The following ATP8A2 variants were observed in gnomAD, a reference collection of about 807,000 sequenced individuals.
The protein encoded by ATP8A2 is phospholipid-transporting ATPase IB.
ATP8A2 carries 100 observed loss-of-function variants against 165.6 expected under a neutral mutation model. The ratio of observed to expected loss-of-function variants is 0.60; its 90% CI spans 0.51 to 0.71. ATP8A2 has a LOEUF of 0.71. Ranked by LOEUF, ATP8A2 falls within the 30% of genes least tolerant of loss-of-function variation. The pLI, the probability that ATP8A2 is intolerant of heterozygous loss-of-function variation, is 0.00. For missense variants in ATP8A2, 1,227 were observed against 1,479.5 expected (o/e 0.83, Z 2.80); for synonymous variants, 543 against 548.8 (o/e 0.99, Z 0.15).
At chr13:25,442,624 C>G (rs1290420406) in intron 1 of ATP8A2, among the ~76,000 whole-genome samples, 8 of 152,116 alleles carry the variant, frequency 5.3e-5, no homozygotes, top group African/African-American at 1.7e-4. Flanking sequence ...CTTGCTATGT[C>G]GTCCAGGCTG....
intron 27 of ATP8A2, among the ~76,000 whole-genome samples, chr13:25,823,283 T>A (rs1203245974): frequency 6.6e-6 from 1 of 152,216 alleles, no homozygotes; most frequent in African/African-American, 2.4e-5. Flanking sequence ...CATCTGAACT[T>A]TTATTGTATG....
intron 1 of ATP8A2, among the ~76,000 whole-genome samples, chr13:25,400,129 C>T (rs1056144129): frequency 6.6e-6 from 1 of 151,960 alleles, no homozygotes; most frequent in African/African-American, 2.4e-5. Context: ...TCCTATGTTG[C>T]CCAGGATAGT....
chr13:25,372,648 G>C lies in ATP8A2; in HGVS notation c.76+360G>C, dbSNP rs112006952. ...CGACCTAGGCGGCAGTCACCGCGAT[G>C]GTGGGCACGGTTTGGCGGCGCAGAG... On this transcript the variant is annotated intron_variant, in intron 1 of 36. Coordinates refer to ENST00000381655, the MANE Select transcript of ATP8A2 (RefSeq NM_016529.6). This position sits in a 1 kb window ranked among gnomAD's most constrained non-coding sequence, Gnocchi z 4.8. Among the ~76,000 whole-genome samples the C allele has an allele frequency of 0.011, 1,634 of 152,318 alleles. 36 individuals are homozygous for C. The highest frequency in any genetic ancestry group is 0.037 in the African/African-American group (1,551 of 41,578).
intron 24 of ATP8A2, among the ~76,000 whole-genome samples, chr13:25,675,085 C>T (rs2042345700): frequency 6.6e-6 from 1 of 152,140 alleles, no homozygotes; most frequent in Admixed American, 6.5e-5. Flanking sequence ...GTTTCAGTTG[C>T]TTGTCTGAGT....
intron 28 of ATP8A2, among the ~76,000 whole-genome samples, 198 bp from the exon 29 acceptor site, chr13:25,836,965 T>C (rs1951629908): frequency 6.6e-6 from 1 of 152,210 alleles, no homozygotes. Context: ...TAGTGTTCAG[T>C]GTATTCATTT....
chr13:25,534,668 A>G (rs1593482043), intron 6 of ATP8A2, among the ~76,000 whole-genome samples: 2 of 152,374 alleles, frequency 1.3e-5, no homozygotes, highest in East Asian at 3.9e-4. Context: ...TACCGCATGC[A>G]GTTTTATTTC....
intron 35 of ATP8A2, among the ~76,000 whole-genome samples, chr13:26,008,380 T>A (rs1956784754): frequency 6.6e-6 from 1 of 152,004 alleles, no homozygotes; most frequent in South Asian, 2.1e-4. Flanking sequence ...TAAAACATAT[T>A]AGAAAATTTT....
intron 24 of ATP8A2, among the ~76,000 whole-genome samples, chr13:25,657,905 G>A (rs535412864): frequency 2.5e-4 from 38 of 152,222 alleles, no homozygotes; most frequent in Admixed American, 3.9e-4. Context: ...ATATTTGGGA[G>A]ACCTGTCTTT....
chr13:25,925,514 C>T (rs1422206808), intron 33 of ATP8A2, among the ~76,000 whole-genome samples: 2 of 146,076 alleles, frequency 1.4e-5, no homozygotes, highest in Non-Finnish European at 3.0e-5. Flanking sequence ...CCAGCCTGGG[C>T]GACAGAGTGA....
chr13:25,921,709 C>T (rs866138825), intron 33 of ATP8A2, among the ~76,000 whole-genome samples: 13 of 151,800 alleles, frequency 8.6e-5, no homozygotes, highest in South Asian at 8.3e-4. Flanking sequence ...CTTGTACTGT[C>T]ATGAAAGACT....
At chr13:25,981,414 C>G (rs573673444) in intron 35 of ATP8A2, among the ~76,000 whole-genome samples, 53 of 152,208 alleles carry the variant, frequency 3.5e-4, no homozygotes, top group Non-Finnish European at 6.2e-4. Context: ...AGGCTAGTTG[C>G]CAGTATTATT....
chr13:25,940,456 C>CCTG (rs1258951643), intron 33 of ATP8A2, among the ~76,000 whole-genome samples: 1 of 152,214 alleles, frequency 6.6e-6, no homozygotes, highest in African/African-American at 2.4e-5. Flanking sequence ...CTGCCCGCTT[C>CCTG]CTGCTGCCTT....
At chr13:25,786,806 G>A (rs1232894419) in intron 27 of ATP8A2, among the ~76,000 whole-genome samples, 3 of 147,398 alleles carry the variant, frequency 2.0e-5, no homozygotes. Flanking sequence ...GCCCAGGCTG[G>A]AGTGCAGTGG....
intron 25 of ATP8A2, among the ~76,000 whole-genome samples, chr13:25,735,533 T>C (rs1454772981): frequency 6.6e-6 from 1 of 151,858 alleles, no homozygotes; most frequent in Non-Finnish European, 1.5e-5. Context: ...ATTGCTGGGA[T>C]TATAGGCGTG....
At chr13:25,894,030 T>C (rs1348705151) in intron 33 of ATP8A2, among the ~76,000 whole-genome samples, 13 of 152,336 alleles carry the variant, frequency 8.5e-5, no homozygotes, top group Non-Finnish European at 1.0e-4. Context: ...AGAAGCTCTT[T>C]AGTTTAATTA....
At chr13:25,679,993 A>G (rs1380024574) in intron 24 of ATP8A2, among the ~76,000 whole-genome samples, 2 of 152,204 alleles carry the variant, frequency 1.3e-5, no homozygotes, top group Admixed American at 6.5e-5. Context: ...AGCTTCTAGA[A>G]CAAAACACTT....
intron 35 of ATP8A2, among the ~76,000 whole-genome samples, chr13:26,001,166 A>G (rs1165047328): frequency 5.9e-5 from 9 of 152,206 alleles, no homozygotes; most frequent in Non-Finnish European, 1.2e-4. Flanking sequence ...TCTTTCACTT[A>G]GCATAATATT....
intron 1 of ATP8A2, among the ~76,000 whole-genome samples, chr13:25,440,084 G>T (rs1329014149): frequency 1.3e-5 from 2 of 152,116 alleles, no homozygotes; most frequent in South Asian, 4.2e-4. Flanking sequence ...TCTGGAGGGG[G>T]TGCTAGTGTT....
chr13:25,790,217 T>C (rs969965765), intron 27 of ATP8A2, among the ~76,000 whole-genome samples: 4 of 152,018 alleles, frequency 2.6e-5, no homozygotes, highest in African/African-American at 9.7e-5. Flanking sequence ...AAGCAAAAAT[T>C]GACAAATGGG....
Sources: gnomAD v4.1 joint callset for allele counts (sites outside exome capture counted in the v4.1 genomes callset) on GRCh38, gnomAD v4.1.1 for gene constraint, Gnocchi (gnomAD v3.1) non-coding constraint, MANE v1.5 for transcripts, NCBI Gene and HGNC (gene_info 2026-07-23, HGNC 2026-07-21) for gene names.